Variants in PKHD1 observed in about 807,000 individuals in gnomAD.
PKHD1 encodes the protein fibrocystin.
In PKHD1, 291 loss-of-function variants were observed where a neutral mutation model predicts 412.0. The observed-to-expected ratio is 0.71, with a 90% confidence interval of 0.64 to 0.78. PKHD1 has a LOEUF of 0.78. Among genes scored for constraint, PKHD1 ranks in the 30% least tolerant of loss-of-function variants. PKHD1 has a pLI of 0.00. For missense variants in PKHD1, 4,825 were observed against 4,950.7 expected (o/e 0.97, Z 0.76); for synonymous variants, 1,777 against 1,821.5 (o/e 0.98, Z 0.62).
At chr6:51,801,652 T>TGAGAGA (rs1250289397) in intron 52 of PKHD1, among the ~76,000 whole-genome samples, 134 of 143,190 alleles carry the variant, frequency 9.4e-4, no homozygotes, top group African/African-American at 3.4e-3. Context: ...TGTGTGTGTG[T>TGAGAGA]GTGAGAGAGA....
chr6:51,978,329 T>C (rs1794718508), intron 35 of PKHD1, among the ~76,000 whole-genome samples: 2 of 152,200 alleles, frequency 1.3e-5, no homozygotes, highest in African/African-American at 4.8e-5. Flanking sequence ...TCAAGATTAA[T>C]GTGTTCAAAA....
chr6:51,906,470 AG>A (rs1782113434), intron 40 of PKHD1, 130 bp from the exon 41 acceptor site: 1 of 746,150 alleles, frequency 1.3e-6, no homozygotes, highest in Admixed American at 2.0e-5. Flanking sequence ...ATAAGAAGTT[AG>A]AAGCAGCAAT....
intron 52 of PKHD1, among the ~76,000 whole-genome samples, chr6:51,828,382 A>C (rs1176242484): frequency 1.5e-5 from 2 of 136,182 alleles, no homozygotes; most frequent in Non-Finnish European, 3.3e-5. Flanking sequence ...AATTATATGA[A>C]AAAAAAATCC....
intron 50 of PKHD1, among the ~76,000 whole-genome samples, chr6:51,846,009 G>C (rs557933690): frequency 6.6e-6 from 1 of 152,282 alleles, no homozygotes; most frequent in South Asian, 2.1e-4. Flanking sequence ...TAGCCATAAA[G>C]TTAATGGTAA....
chr6:51,874,335 T>C (rs1036332810), intron 46 of PKHD1, among the ~76,000 whole-genome samples: 7 of 152,140 alleles, frequency 4.6e-5, no homozygotes, highest in African/African-American at 1.7e-4. Context: ...GGACAATAGG[T>C]ATAAACAAAC....
intron 61 of PKHD1, among the ~76,000 whole-genome samples, chr6:51,658,541 A>G (rs1454917740): frequency 6.6e-6 from 1 of 152,146 alleles, no homozygotes; most frequent in Non-Finnish European, 1.5e-5. Flanking sequence ...TATTAGCACT[A>G]TCACAAATAA....
At chr6:52,040,491 G>A (rs1008993159) in intron 27 of PKHD1, among the ~76,000 whole-genome samples, 3 of 151,974 alleles carry the variant, frequency 2.0e-5, no homozygotes, top group East Asian at 1.9e-4. Context: ...ATCCTCCAAT[G>A]GCCACCATCT....
In PKHD1 at chr6:51,659,655, T is replaced by G. The variant is rs533977466; in HGVS notation, c.10471A>C (p.Thr3491Pro). 39 of 1,613,782 alleles carry G rather than the reference T, an allele frequency of 2.4e-5. No homozygotes were observed. In the South Asian group the frequency reaches 4.2e-4, roughly 17 times the overall value. ...LRFFLLGNKS[T>P]SKLLLAVFYH... ...AATACAGCCAAGAGAAGCTTGGAGG[T>G]ACTTTTGTTCCCCAATAGAAAAAAG... The change falls in exon 61 of 67, where the codon ACC (threonine) becomes CCC (proline). Residue 3491 changes from threonine to proline, a missense_variant. By Grantham distance (38) the Thr-to-Pro change is conservative (BLOSUM62 -1). Transcript: ENST00000371117.
chr6:51,766,627 T>G (rs568824450), intron 55 of PKHD1, among the ~76,000 whole-genome samples: 2 of 152,046 alleles, frequency 1.3e-5, no homozygotes, highest in Non-Finnish European at 2.9e-5. Flanking sequence ...ATTTTTATTT[T>G]CATTCTTGAC....
Position 51,744,417 on chromosome 6 carries a change from T to A in PKHD1, c.10124A>T (p.Glu3375Val), listed in dbSNP as rs1271035356. The change falls in exon 60 of 67, where the codon GAG (glutamate) becomes GTG (valine). Residue 3375 changes from glutamate (E) to valine (V), a missense_variant. Transcript: ENST00000371117. ...PPPVSVFPKT[E>V]AEWTASFFNA... Reference sequence around the variant, plus strand: ...GAAGAAGGATGCAGTCCATTCTGCCTCTGTTTTAGGAAATACAGAAACTGG... The same window carrying A: ...GAAGAAGGATGCAGTCCATTCTGCCACTGTTTTAGGAAATACAGAAACTGG... The A allele has an allele frequency of 6.2e-7, 1 of 1,613,868 alleles. No homozygotes were observed. The highest frequency in any genetic ancestry group is 2.2e-5 in the East Asian group (1 of 44,896).
intron 52 of PKHD1, among the ~76,000 whole-genome samples, chr6:51,821,193 A>G (rs913727225): frequency 6.6e-6 from 1 of 152,218 alleles, no homozygotes; most frequent in Non-Finnish European, 1.5e-5. Flanking sequence ...AAATATGTTT[A>G]TGCATTTTAA....
intron 49 of PKHD1, among the ~76,000 whole-genome samples, chr6:51,853,975 G>T (rs1772802265): frequency 6.6e-6 from 1 of 152,142 alleles, no homozygotes; most frequent in Non-Finnish European, 1.5e-5. Context: ...GAAATGTTGT[G>T]ATCATTTGGA....
intron 53 of PKHD1, among the ~76,000 whole-genome samples, chr6:51,789,557 G>A (rs986939560): frequency 1.3e-5 from 2 of 149,376 alleles, no homozygotes; most frequent in Non-Finnish European, 3.0e-5. Flanking sequence ...TGAAATACAT[G>A]TGTGCATGTG....
At chr6:51,812,557 A>G (rs1438356865) in intron 52 of PKHD1, among the ~76,000 whole-genome samples, 2 of 152,202 alleles carry the variant, frequency 1.3e-5, no homozygotes, top group Non-Finnish European at 2.9e-5. Context: ...TTGGAGCAAT[A>G]AGGTACTAAA....
chr6:52,082,155 A>C (rs909928487), intron 4 of PKHD1, among the ~76,000 whole-genome samples: 1 of 152,166 alleles, frequency 6.6e-6, no homozygotes, highest in African/African-American at 2.4e-5. Context: ...AAATGGAAAC[A>C]CAATCCAGCC....
intron 35 of PKHD1, among the ~76,000 whole-genome samples, chr6:51,961,865 C>T (rs1324399632): frequency 6.6e-6 from 1 of 151,994 alleles, no homozygotes; most frequent in African/African-American, 2.4e-5. Context: ...TTTACAGATG[C>T]TATTTTAGGC....
At chr6:51,721,334 TTAG>T (rs1781900533) in intron 60 of PKHD1, 5 of 621,802 alleles carry the variant, frequency 8.0e-6, no homozygotes, top group Non-Finnish European at 1.0e-5. Context: ...TATTGGTATA[TTAG>T]TATTAGTATA....
chr6:52,058,037 C>T (rs1192060976), intron 16 of PKHD1, among the ~76,000 whole-genome samples: 5 of 152,034 alleles, frequency 3.3e-5, no homozygotes, highest in South Asian at 2.1e-4. Flanking sequence ...ACATGTCGGG[C>T]GTGTGTTTAG....
At chr6:51,773,511 ATATT>A (rs1790491866) in intron 54 of PKHD1, among the ~76,000 whole-genome samples, 1 of 151,616 alleles carries the variant, frequency 6.6e-6, no homozygotes, top group Non-Finnish European at 1.5e-5. Context: ...CAGCACATAT[ATATT>A]TATTTTATTT....
Sources: allele counts gnomAD v4.1 joint callset (sites outside exome capture counted in the v4.1 genomes callset), GRCh38; gene constraint gnomAD v4.1.1; transcripts MANE v1.5; gene names NCBI Gene and HGNC (gene_info 2026-07-23, HGNC 2026-07-21).